FGF12: variants seen among roughly 807,000 people sequenced by gnomAD.
FGF12 encodes fibroblast growth factor 12B.
Under a neutral mutation model 23.6 loss-of-function variants are expected in FGF12, and 14 were observed. The observed-to-expected ratio is 0.59, with a 90% CI of 0.39 to 0.93. FGF12 has a LOEUF of 0.93. Among genes scored for constraint, FGF12 ranks in the 40% least tolerant of loss-of-function variants. The pLI is 0.00. For missense variants in FGF12, 175 were observed against 217.8 expected (o/e 0.80, Z 1.24); for synonymous variants, 62 against 77.3 (o/e 0.80, Z 1.04).
intron 3 of FGF12, among the ~76,000 whole-genome samples, chr3:192,357,741 A>T (rs773711293): frequency 6.6e-6 from 1 of 152,200 alleles, no homozygotes; most frequent in African/African-American, 2.4e-5. Flanking sequence ...TGGAACATAC[A>T]TTCTTCTGGG....
rs566336667 is a variant in FGF12, at chr3:192,671,964, C to CTAA, written c.13+55216_13+55217insTTA. Reference sequence around the variant, plus strand: ...AAAACTATCACCATAGCAAGGAATTCATACAGACAAATTTCTTTATTTCAC... The same window carrying CTAA: ...AAAACTATCACCATAGCAAGGAATTCTAAATACAGACAAATTTCTTTATTTCAC... On this transcript the variant is annotated intron_variant, in intron 2 of 5. Coordinates refer to ENST00000445105, the MANE Select transcript of FGF12 (RefSeq NM_004113.6). Among the ~76,000 whole-genome samples the CTAA allele has an allele frequency of 8.2e-4, 125 of 152,314 alleles. 1 individual carries two copies. The East Asian group carries it at 0.018, about 22-fold the overall frequency.
intron 4 of FGF12, among the ~76,000 whole-genome samples, chr3:192,212,366 C>T (rs531925017): frequency 6.6e-6 from 1 of 151,442 alleles, no homozygotes; most frequent in East Asian, 2.0e-4. Flanking sequence ...CATAAAACGT[C>T]AACTCTGATT....
intron 4 of FGF12, among the ~76,000 whole-genome samples, chr3:192,256,708 G>A (rs1712419615): frequency 6.6e-6 from 1 of 152,104 alleles, no homozygotes; most frequent in Non-Finnish European, 1.5e-5. Flanking sequence ...AAATAGTAAA[G>A]TAGGTTTTAA....
In FGF12 at chr3:192,602,735, A is replaced by C. The variant is rs1461230201; in HGVS notation, c.13+124446T>G. Among the ~76,000 whole-genome samples the C allele has an allele frequency of 5.9e-5, 9 of 151,974 alleles. No homozygotes were observed. In the East Asian group the frequency reaches 7.7e-4, roughly 13 times the overall value. Reference sequence around the variant, plus strand: ...TGCACAAAGGCCCAAAAAAAAAAAAAACACAGAAAAATACAGGTCAATATC... The same window carrying C: ...TGCACAAAGGCCCAAAAAAAAAAAACACACAGAAAAATACAGGTCAATATC... On this transcript the variant is annotated intron_variant, in intron 2 of 5. Coordinates refer to ENST00000445105, the MANE Select transcript of FGF12 (RefSeq NM_004113.6).
intron 4 of FGF12, among the ~76,000 whole-genome samples, chr3:192,260,508 G>A (rs1334652094): frequency 2.6e-5 from 4 of 152,090 alleles, no homozygotes; most frequent in Non-Finnish European, 5.9e-5. Context: ...TCAACCCAGC[G>A]GATACCATAA....
chr3:192,504,376 CCTTTGAAAGTTACACA>C lies in FGF12; in HGVS notation c.14-143854_14-143839del, dbSNP rs1384868629. On this transcript the variant is annotated intron_variant, in intron 2 of 5. Coordinates refer to ENST00000445105, the MANE Select transcript of FGF12 (RefSeq NM_004113.6). ...AATAATAAATAAAAGAATATCTATG[CCTTTGAAAGTTACACA>C]CTGTAAGAGTTAACATTTGCTCTCT... is the stretch of plus-strand genomic sequence containing the variant. 8.5e-5 allele frequency among the ~76,000 whole-genome samples: 13 copies of C among 152,250 alleles called. No individual in the cohort carries two copies. In the Middle Eastern group the frequency reaches 0.01, roughly 120 times the overall value.
intron 4 of FGF12, among the ~76,000 whole-genome samples, chr3:192,187,567 A>G (rs1395079307): frequency 1.3e-5 from 2 of 152,180 alleles, no homozygotes; most frequent in Non-Finnish European, 2.9e-5. Context: ...AATGATAAAG[A>G]GATTAATAAA....
At chr3:192,714,095 G>T (rs1399383975) in intron 2 of FGF12, among the ~76,000 whole-genome samples, 1 of 151,856 alleles carries the variant, frequency 6.6e-6, no homozygotes, top group East Asian at 1.9e-4. Context: ...GCCAGGTAGT[G>T]TGGTAAATAC....
At chr3:192,166,170 G>T (rs1715151459) in intron 5 of FGF12, among the ~76,000 whole-genome samples, 2 of 152,162 alleles carry the variant, frequency 1.3e-5, no homozygotes, top group Non-Finnish European at 2.9e-5. Flanking sequence ...ATGGTAACCT[G>T]TTAAAATCAT....
At chr3:192,693,163 A>T (rs1219415793) in intron 2 of FGF12, among the ~76,000 whole-genome samples, 2 of 152,130 alleles carry the variant, frequency 1.3e-5, no homozygotes, top group Non-Finnish European at 2.9e-5. Context: ...CAAAAAAGAA[A>T]TCAAGAAAAT....
At chr3:192,515,266 G>T (rs1189101026) in intron 2 of FGF12, 1 of 152,460 alleles carries the variant, frequency 6.6e-6, no homozygotes, top group East Asian at 1.9e-4. Context: ...CGCGGCCAAG[G>T]GCGACTCCGG....
chr3:192,250,010 C>A (rs1711898723), intron 4 of FGF12, among the ~76,000 whole-genome samples: 1 of 152,174 alleles, frequency 6.6e-6, no homozygotes, highest in Admixed American at 6.6e-5. Context: ...AGCCATTGCT[C>A]TGATATTTTA....
intron 4 of FGF12, among the ~76,000 whole-genome samples, chr3:192,192,644 T>A (rs1716853674): frequency 1.3e-5 from 2 of 151,892 alleles, no homozygotes; most frequent in African/African-American, 4.8e-5. Context: ...TGTGGAATTA[T>A]AGAATCACAG....
chr3:192,425,468 A>G (rs993594609), intron 2 of FGF12, among the ~76,000 whole-genome samples: 1 of 152,196 alleles, frequency 6.6e-6, no homozygotes, highest in Non-Finnish European at 1.5e-5. Context: ...GGTGTCAAAC[A>G]TCAAGGTTAT....
At chr3:192,496,478 C>T (rs1007516662) in intron 2 of FGF12, among the ~76,000 whole-genome samples, 1 of 152,034 alleles carries the variant, frequency 6.6e-6, no homozygotes, top group Non-Finnish European at 1.5e-5. Flanking sequence ...AGCTTTCCTT[C>T]TTCTAGTCAA....
chr3:192,262,001 G>A (rs1267280138), intron 4 of FGF12, among the ~76,000 whole-genome samples: 1 of 152,158 alleles, frequency 6.6e-6, no homozygotes, highest in East Asian at 1.9e-4. Flanking sequence ...AGTACTCGAA[G>A]AATTAGAAAA....
chr3:192,146,041 A>C (rs1014544916), intron 5 of FGF12, among the ~76,000 whole-genome samples: 2 of 152,232 alleles, frequency 1.3e-5, no homozygotes, highest in African/African-American at 2.4e-5. Flanking sequence ...GAGGTGATTT[A>C]GCTGGAACAC....
At chr3:192,655,710 G>A (rs761053355) in intron 2 of FGF12, among the ~76,000 whole-genome samples, 32 of 152,150 alleles carry the variant, frequency 2.1e-4, no homozygotes, top group Non-Finnish European at 1.5e-4. Context: ...CTGAGTAATA[G>A]ATGGACGAGT....
chr3:192,311,910 A>G (rs1715958035), intron 4 of FGF12, among the ~76,000 whole-genome samples: 1 of 148,628 alleles, frequency 6.7e-6, no homozygotes, highest in East Asian at 2.0e-4. Flanking sequence ...TACATTTCAC[A>G]TTGCTATTGA....
Sources: allele counts gnomAD v4.1 joint callset (sites outside exome capture counted in the v4.1 genomes callset), GRCh38; gene constraint gnomAD v4.1.1; transcripts MANE v1.5; gene names NCBI Gene and HGNC (gene_info 2026-07-23, HGNC 2026-07-21).